Variants in DKK2 observed in about 807,000 individuals in gnomAD.
DKK2 encodes the protein dickkopf-related protein 2.
In DKK2, 11 loss-of-function variants were observed where a neutral mutation model predicts 28.1. The observed-to-expected ratio is 0.39, with a 90% CI of 0.25 to 0.65. The LOEUF is 0.65. Among genes scored for constraint, DKK2 ranks in the 30% least tolerant of loss-of-function variants. The pLI, the probability that DKK2 is intolerant of heterozygous loss-of-function variation, is 0.47. For synonymous variants in DKK2, 135 were observed against 126.5 expected, an observed-to-expected ratio of 1.07 and a Z score of -0.45; for missense variants, 326 against 335.5, an observed-to-expected ratio of 0.97 and a Z score of 0.22.
At chr4:106,987,125 C>T (rs952062931) in intron 1 of DKK2, among the ~76,000 whole-genome samples, 3 of 151,970 alleles carry the variant, frequency 2.0e-5, no homozygotes, top group African/African-American at 4.8e-5. Context: ...CTAGTTAGCA[C>T]AATATTAAAA....
At chr4:107,013,381 A>C (rs1009463482) in intron 1 of DKK2, among the ~76,000 whole-genome samples, 2 of 151,586 alleles carry the variant, frequency 1.3e-5, no homozygotes, top group Non-Finnish European at 3.0e-5. Flanking sequence ...ACCCAGAAAT[A>C]AATCTACACA....
chr4:107,023,657 G>C (rs1170867977), intron 1 of DKK2, among the ~76,000 whole-genome samples: 1 of 152,030 alleles, frequency 6.6e-6, no homozygotes, highest in Non-Finnish European at 1.5e-5. Flanking sequence ...TATCAACATT[G>C]ACTCATCAGT....
intron 1 of DKK2, among the ~76,000 whole-genome samples, chr4:107,014,571 T>C (rs1326181822): frequency 1.3e-5 from 2 of 151,374 alleles, no homozygotes; most frequent in African/African-American, 4.8e-5. Flanking sequence ...GTTATGGTGT[T>C]CTATTACATA....
chr4:106,966,868 C>G (rs1337588036), intron 1 of DKK2, among the ~76,000 whole-genome samples: 3 of 152,090 alleles, frequency 2.0e-5, no homozygotes, highest in Non-Finnish European at 4.4e-5. Flanking sequence ...ATAATTCAAT[C>G]ACCTCCCCCC....
rs995601693 is a variant in DKK2, at chr4:107,035,310, G to A, written c.222+60C>T. On this transcript the variant is annotated intron_variant, in intron 1 of 3. Coordinates refer to ENST00000285311, the MANE Select transcript of DKK2 (RefSeq NM_014421.3). ...TGCAAGATGCAATGGCAAACCGCTA[G>A]CCCAAGAGAGCTGGCCCCTGCCTCT... The A allele has an allele frequency of 5.7e-6, 9 of 1,582,266 alleles. No homozygotes were observed. The African/African-American group carries it at 1.2e-4, about 21-fold the overall frequency.
At chr4:106,941,650 A>C (rs1446211083) in intron 1 of DKK2, among the ~76,000 whole-genome samples, 1 of 152,198 alleles carries the variant, frequency 6.6e-6, no homozygotes, top group Non-Finnish European at 1.5e-5. Flanking sequence ...GGGTTCCAAA[A>C]CTCAGGACAA....
chr4:106,940,591 C>T (rs1357185413), intron 1 of DKK2, among the ~76,000 whole-genome samples: 8 of 150,662 alleles, frequency 5.3e-5, no homozygotes, highest in Admixed American at 2.6e-4. Flanking sequence ...CCATTTGACC[C>T]AGCCATCCCA....
intron 1 of DKK2, among the ~76,000 whole-genome samples, chr4:106,961,929 CTAT>C (rs992627398): frequency 6.6e-6 from 1 of 152,124 alleles, no homozygotes; most frequent in Admixed American, 6.5e-5. Flanking sequence ...TTAGCCACTA[CTAT>C]TATTATGCTT....
At chr4:107,018,017 T>C (rs1161193322) in intron 1 of DKK2, among the ~76,000 whole-genome samples, 1 of 151,462 alleles carries the variant, frequency 6.6e-6, no homozygotes, top group Non-Finnish European at 1.5e-5. Flanking sequence ...TTCTGAGAGG[T>C]GAAGGGAGGA....
chr4:106,995,983 C>T (rs1050075291), intron 1 of DKK2, among the ~76,000 whole-genome samples: 10 of 152,294 alleles, frequency 6.6e-5, no homozygotes, highest in African/African-American at 2.4e-4. Context: ...CATGTTTTTA[C>T]TCAACCAGCT....
intron 1 of DKK2, among the ~76,000 whole-genome samples, chr4:107,009,997 C>T (rs1320731961): frequency 7.3e-5 from 11 of 151,674 alleles, no homozygotes; most frequent in Non-Finnish European, 7.4e-5. Flanking sequence ...TTATTTTCCT[C>T]TAGGGATCCC....
chr4:106,933,906 T>G (rs1189913897), intron 1 of DKK2, among the ~76,000 whole-genome samples: 1 of 152,156 alleles, frequency 6.6e-6, no homozygotes, highest in Admixed American at 6.6e-5. Context: ...GTTATACAAG[T>G]TTAAGTAATT....
chr4:106,940,814 A>G lies in DKK2; in HGVS notation c.223-14865T>C, dbSNP rs139501853. On this transcript the variant is annotated intron_variant, in intron 1 of 3. Transcript: ENST00000285311. ...ATGGGTTCATGTCCTTTGTAAGGAC[A>G]TGGATGAAATTGGAAATCATCATTG... 8.1e-3 allele frequency among the ~76,000 whole-genome samples: 1,238 copies of G among 152,328 alleles called. 20 individuals are homozygous for G. The highest frequency in any genetic ancestry group is 0.028 in the African/African-American group (1,175 of 41,566).
At chr4:106,970,549 A>G (rs1197586509) in intron 1 of DKK2, among the ~76,000 whole-genome samples, 1 of 152,088 alleles carries the variant, frequency 6.6e-6, no homozygotes, top group Non-Finnish European at 1.5e-5. Context: ...CTCATCATCA[A>G]GAATCTCTTG....
chr4:106,959,626 T>G (rs1005437126), intron 1 of DKK2, among the ~76,000 whole-genome samples: 1 of 152,144 alleles, frequency 6.6e-6, no homozygotes, highest in Admixed American at 6.6e-5. Context: ...TTTCAAAGCT[T>G]TAACTTTTTA....
At chr4:106,956,282 C>T (rs1722588862) in intron 1 of DKK2, among the ~76,000 whole-genome samples, 1 of 152,140 alleles carries the variant, frequency 6.6e-6, no homozygotes, top group Admixed American at 6.6e-5. Flanking sequence ...ACATTCCATG[C>T]TCATGGGTAG....
chr4:106,924,812 T>G (rs1332047034), intron 2 of DKK2, 112 bp from the exon 3 acceptor site: 22 of 1,054,202 alleles, frequency 2.1e-5, no homozygotes, highest in Middle Eastern at 2.7e-4. Flanking sequence ...TGTGTATCTA[T>G]CTATCTATCC....
At chr4:107,016,628 T>C (rs1723608955) in intron 1 of DKK2, among the ~76,000 whole-genome samples, 1 of 151,980 alleles carries the variant, frequency 6.6e-6, no homozygotes, top group Admixed American at 6.6e-5. Flanking sequence ...TTCTGTAAGG[T>C]ACTATCATAC....
intron 1 of DKK2, among the ~76,000 whole-genome samples, chr4:106,956,067 A>C (rs1228176105): frequency 6.6e-6 from 1 of 152,214 alleles, no homozygotes; most frequent in Admixed American, 6.5e-5. Context: ...TCTGGTACAC[A>C]GAAGATCAGT....
Sources: gnomAD v4.1 joint callset for allele counts (sites outside exome capture counted in the v4.1 genomes callset) on GRCh38, gnomAD v4.1.1 for gene constraint, MANE v1.5 for transcripts, NCBI Gene and HGNC (gene_info 2026-07-23, HGNC 2026-07-21) for gene names.